CIBAR1: variants seen among roughly 807,000 people sequenced by gnomAD.
CIBAR1 encodes the protein CBY1 interacting BAR domain containing 1.
A neutral mutation model predicts 44.0 loss-of-function variants in CIBAR1; 25 were observed. The observed-to-expected ratio is 0.57, with a 90% CI of 0.41 to 0.79. CIBAR1 has a LOEUF of 0.79. Ranked by LOEUF, CIBAR1 falls within the 30% of genes least tolerant of loss-of-function variation. The pLI is 0.00. For missense variants in CIBAR1, 278 were observed against 344.8 expected (o/e 0.81, Z 1.53); for synonymous variants, 115 against 119.0 (o/e 0.97, Z 0.22).
chr8:93,717,848 C>A (rs1350254038), intron 6 of CIBAR1, among the ~76,000 whole-genome samples: 1 of 152,154 alleles, frequency 6.6e-6, no homozygotes, highest in African/African-American at 2.4e-5. Context: ...TGCCTGGTTT[C>A]CATCTTTTCC....
At chr8:93,713,503 TC>T (rs1810915239) in intron 6 of CIBAR1, among the ~76,000 whole-genome samples, 1 of 152,224 alleles carries the variant, frequency 6.6e-6, no homozygotes, top group African/African-American at 2.4e-5. Flanking sequence ...TTTCATGAAA[TC>T]CAATTTATCT....
intron 1 of CIBAR1, 122 bp from the exon 2 acceptor site, chr8:93,701,102 C>T (rs751188573): frequency 1.8e-4 from 273 of 1,490,414 alleles, no homozygotes; most frequent in East Asian, 1.5e-3. Flanking sequence ...GACGCTGGGT[C>T]GTTGATGGGT....
rs189122362 is a variant in CIBAR1, at chr8:93,705,688, G to A, written c.432+678G>A. The A allele has an allele frequency of 5.3e-3, 811 of 152,532 alleles. 5 individuals are homozygous for A. Among genetic ancestry groups the A allele is most frequent in the Non-Finnish European group, 7.8e-3 (531 of 68,236 alleles). 9.4% of individuals were successfully genotyped at this position (152,532 alleles called of 1,614,324 possible). A position where few individuals can be genotyped will look rare whatever the true frequency, so the allele number is the denominator to read the frequency against. On this transcript the variant is annotated intron_variant, in intron 4 of 8. Coordinates refer to ENST00000518322, the MANE Select transcript of CIBAR1 (RefSeq NM_145269.5). ...AACATCTGGCTGGGCGTGTTGGCTC[G>A]TGCCTGTAATTCCAGCACTTTGGGA...
chr8:93,713,193 C>T (rs1272867614), intron 6 of CIBAR1, among the ~76,000 whole-genome samples: 6 of 151,862 alleles, frequency 4.0e-5, no homozygotes, highest in South Asian at 2.1e-4. Flanking sequence ...CCACCACACC[C>T]GGCTAATTTT....
chr8:93,721,225 C>T (rs1427697469), intron 7 of CIBAR1: 1 of 152,236 alleles, frequency 6.6e-6, no homozygotes, highest in Non-Finnish European at 1.5e-5. Context: ...AGAAGTAACA[C>T]TGCATTTAGT....
At chr8:93,711,976 GAAGAA>G (rs1810841101) in intron 6 of CIBAR1, among the ~76,000 whole-genome samples, 2 of 152,154 alleles carry the variant, frequency 1.3e-5, no homozygotes, top group Non-Finnish European at 2.9e-5. Flanking sequence ...GGTGCACAGA[GAAGAA>G]AAGAGCTTCT....
chr8:93,703,289 G>C (rs1341332510), intron 2 of CIBAR1, among the ~76,000 whole-genome samples: 3 of 152,160 alleles, frequency 2.0e-5, no homozygotes, highest in Non-Finnish European at 4.4e-5. Flanking sequence ...GATAATATAT[G>C]CAAAGTATCC....
In CIBAR1 at chr8:93,730,133, C is replaced by T. The variant is rs965860346; in HGVS notation, c.*1836C>T. 6.6e-6 allele frequency: 1 copy of T among 152,164 alleles called. No homozygotes were observed. 9.4% of individuals were successfully genotyped at this position (152,164 alleles called of 1,614,324 possible). A position where few individuals can be genotyped will look rare whatever the true frequency, so the allele number is the denominator to read the frequency against. ...GATTAGGAATACTCAACCTGTAGTA[C>T]ATTTACTAGGATTATCAGAATTAAA... On this transcript the variant is annotated 3_prime_UTR_variant, in exon 9 of 9. Transcript: ENST00000518322.
At chr8:93,727,168 A>G (rs1811554095) in intron 8 of CIBAR1, 1 of 1,288,810 alleles carries the variant, frequency 7.8e-7, no homozygotes, top group Non-Finnish European at 1.0e-6. Flanking sequence ...ACCCTGATCT[A>G]GAGAGCTATG....
intron 8 of CIBAR1, chr8:93,727,088 G>A: frequency 1.5e-6 from 1 of 648,712 alleles, no homozygotes; most frequent in South Asian, 1.5e-5. Flanking sequence ...AACACATAAA[G>A]CAGTATGACT....
rs1440837650 is a variant in CIBAR1, at chr8:93,729,986, G to A, written c.*1689G>A. 3 of 152,136 alleles carry A rather than the reference G, an allele frequency of 2.0e-5. No homozygotes were observed. The highest frequency in any genetic ancestry group is 7.2e-5 in the African/African-American group (3 of 41,430). The allele number at this position is 152,136 out of a possible 1,614,324, so 9.4% of individuals were successfully genotyped here. ...ATTTTGGAGTATTTGCATTATACCAGTTCAACATTCCTAACCCAAAAATCT... is the reference window on the plus strand; with the variant it reads ...ATTTTGGAGTATTTGCATTATACCAATTCAACATTCCTAACCCAAAAATCT... On this transcript the variant is annotated 3_prime_UTR_variant, in exon 9 of 9. Coordinates refer to ENST00000518322, the MANE Select transcript of CIBAR1 (RefSeq NM_145269.5).
intron 7 of CIBAR1, among the ~76,000 whole-genome samples, chr8:93,725,497 C>T (rs1017287302): frequency 6.6e-6 from 1 of 151,704 alleles, no homozygotes; most frequent in Non-Finnish European, 1.5e-5. Context: ...AGGTGAAAAG[C>T]TCAATTGTAG....
intron 7 of CIBAR1, among the ~76,000 whole-genome samples, chr8:93,721,352 T>C (rs149555701): frequency 2.3e-4 from 35 of 152,318 alleles, no homozygotes; most frequent in Middle Eastern, 3.4e-3. Flanking sequence ...GACCTTAAAG[T>C]TCCTTCAAGC....
rs1448895525 is a variant in CIBAR1, at chr8:93,726,036, T to C, written c.658-358T>C. On this transcript the variant is annotated intron_variant, in intron 7 of 8. Transcript: ENST00000518322. The stretch of plus-strand genomic sequence containing the variant: ...TACTGCAGAGTTAAATTGGTAAGAG[T>C]TGAGAATTTGCAGAACAGAAAGATT... 11 of 188,322 alleles carry C rather than the reference T, an allele frequency of 5.8e-5. No individual in the cohort carries two copies. The East Asian group carries it at 1.8e-3, about 30-fold the overall frequency. 11.7% of individuals were successfully genotyped at this position (188,322 alleles called of 1,614,324 possible).
At chr8:93,725,211 A>C (rs1047058366) in intron 7 of CIBAR1, among the ~76,000 whole-genome samples, 1 of 152,022 alleles carries the variant, frequency 6.6e-6, no homozygotes, top group Non-Finnish European at 1.5e-5. Flanking sequence ...TCAAACTCCT[A>C]GGCTCAAGTG....
At chr8:93,712,566 G>T (rs578099061) in intron 6 of CIBAR1, among the ~76,000 whole-genome samples, 3 of 152,260 alleles carry the variant, frequency 2.0e-5, no homozygotes, top group Admixed American at 6.5e-5. Context: ...CCCAGGAGTG[G>T]AATTGCTGGA....
At chr8:93,720,310 A>G (rs1287836906) in intron 7 of CIBAR1, among the ~76,000 whole-genome samples, 1 of 152,082 alleles carries the variant, frequency 6.6e-6, no homozygotes, top group African/African-American at 2.4e-5. Flanking sequence ...AACTATCAGT[A>G]AAGAGACCCT....
chr8:93,701,191 A>C, intron 1 of CIBAR1, 33 bp from the exon 2 acceptor site: 1 of 1,595,862 alleles, frequency 6.3e-7, no homozygotes, highest in African/African-American at 1.3e-5. Flanking sequence ...CTCTAACGAG[A>C]ATGTTTTGCC....
At chr8:93,702,571 AAGACTT>A (rs1208937981) in intron 2 of CIBAR1, 2 of 455,798 alleles carry the variant, frequency 4.4e-6, no homozygotes, top group Non-Finnish European at 8.8e-6. Context: ...GAACAGAAAA[AAGACTT>A]AGATAATCCT....
Sources: gnomAD v4.1 joint callset for allele counts (sites outside exome capture counted in the v4.1 genomes callset) on GRCh38, gnomAD v4.1.1 for gene constraint, MANE v1.5 for transcripts, NCBI Gene and HGNC (gene_info 2026-07-23, HGNC 2026-07-21) for gene names.